ZC3H4: variants seen among roughly 807,000 people sequenced by gnomAD.
The protein encoded by ZC3H4 is zinc finger CCCH-type containing 4.
In ZC3H4, 13 loss-of-function variants were observed where a neutral mutation model predicts 108.3. The observed-to-expected ratio is 0.12, with a 90% CI of 0.08 to 0.19. The LOEUF is 0.19. Among genes scored for constraint, ZC3H4 ranks in the 10% least tolerant of loss-of-function variants. The pLI is 1.00. For missense variants in ZC3H4, 1,734 were observed against 1,838.8 expected, an observed-to-expected ratio of 0.94 and a Z score of 1.04; for synonymous variants, 917 against 749.6, an observed-to-expected ratio of 1.22 and a Z score of -3.65.
intron 2 of ZC3H4, among the ~76,000 whole-genome samples, chr19:47,100,459 C>T (rs116866231): frequency 2.8e-3 from 424 of 152,006 alleles, no homozygotes; most frequent in Middle Eastern, 6.8e-3. Context: ...CGGCAACCAC[C>T]CAAGTGAGAC....
chr19:47,104,187 C>T (rs1027105431), intron 2 of ZC3H4, among the ~76,000 whole-genome samples: 10 of 151,828 alleles, frequency 6.6e-5, no homozygotes, highest in East Asian at 5.8e-4. Context: ...GGTGTGGTGG[C>T]GCACACCTGT....
intron 2 of ZC3H4, among the ~76,000 whole-genome samples, chr19:47,097,887 C>T (rs996805894): frequency 6.6e-6 from 1 of 152,204 alleles, no homozygotes; most frequent in South Asian, 2.1e-4. Context: ...GGATTGGCAA[C>T]GCCTGACATG....
rs1174016766 is a variant in ZC3H4 at position 47,066,355 on chromosome 19, A to G, written c.*1T>C. 6 of 1,533,774 alleles carry G rather than the reference A, an allele frequency of 3.9e-6. No homozygotes were observed. The African/African-American group carries it at 6.8e-5, about 17-fold the overall frequency. On this transcript the variant is annotated 3_prime_UTR_variant, in exon 15 of 15. Transcript: ENST00000253048. ...GCTGGAGCCGCAGCTCTGGCTGGAC[A>G]CTACTGGCAAAAGGGGGAGGCCGTG... is the stretch of plus-strand genomic sequence containing the variant.
intron 2 of ZC3H4, chr19:47,112,221 G>A: frequency 2.5e-6 from 3 of 1,183,488 alleles, no homozygotes; most frequent in Non-Finnish European, 3.2e-6. Flanking sequence ...CGAGGGGGGG[G>A]AAACGCATGA....
At chr19:47,075,818 C>T (rs1232600385) in intron 11 of ZC3H4, among the ~76,000 whole-genome samples, 2 of 152,154 alleles carry the variant, frequency 1.3e-5, no homozygotes, top group African/African-American at 4.8e-5. Context: ...GGAGCTCAGG[C>T]CCTGAATGGT....
At chr19:47,076,067 A>T (rs1600007836) in intron 11 of ZC3H4, among the ~76,000 whole-genome samples, 1 of 152,234 alleles carries the variant, frequency 6.6e-6, no homozygotes, top group Admixed American at 6.5e-5. Context: ...AGAGGTGCAG[A>T]GGCATGTGGG....
At chr19:47,090,497 G>A (rs1488353642) in intron 4 of ZC3H4, among the ~76,000 whole-genome samples, 1 of 152,172 alleles carries the variant, frequency 6.6e-6, no homozygotes, top group Non-Finnish European at 1.5e-5. Context: ...TGCAGAGCAA[G>A]CGCACGTGGA....
intron 3 of ZC3H4, 22 bp from the exon 4 acceptor site, chr19:47,094,102 A>G (rs755441127): frequency 6.2e-7 from 1 of 1,609,962 alleles, no homozygotes; most frequent in Non-Finnish European, 8.5e-7. Context: ...GGGGAAGGAG[A>G]CTCAGCAACC....
In ZC3H4 at chr19:47,067,288, C is replaced by T. The variant is rs555579595; in HGVS notation, c.2980G>A (p.Ala994Thr). ...AGGGCCGCGGGCACGGGGGGCACTG[C>T]GTCCTGCTTGGGGATGGGTAGGGGG... Reference protein sequence around the residue: ...LIPLPIPKQDAVPPVPAALQS... With the variant: ...LIPLPIPKQDTVPPVPAALQS... Residue 994 changes from alanine (A) to threonine (T), a missense_variant, in exon 15 of 15, where the codon GCA becomes ACA. Transcript: ENST00000253048. This position sits in a 1 kb window ranked among gnomAD's most constrained non-coding sequence, Gnocchi z 6.4. 9.9e-5 allele frequency: 157 copies of T among 1,589,456 alleles called. No homozygotes were observed. In the South Asian group the frequency reaches 1.5e-3, roughly 15 times the overall value.
chr19:47,084,823 A>T (rs542435558), intron 8 of ZC3H4, among the ~76,000 whole-genome samples: 1 of 152,326 alleles, frequency 6.6e-6, no homozygotes, highest in African/African-American at 2.4e-5. Flanking sequence ...GAGATGTGTT[A>T]GGTATGGCTG....
In ZC3H4 at chr19:47,075,585, C is replaced by T. The variant is rs186345814; in HGVS notation, c.1441-2872G>A. Among the ~76,000 whole-genome samples the T allele has an allele frequency of 1.4e-4, 21 of 152,150 alleles. No homozygotes were observed. In the East Asian group the frequency reaches 4.1e-3, roughly 30 times the overall value. On this transcript the variant is annotated intron_variant, in intron 11 of 14. Coordinates refer to ENST00000253048, the MANE Select transcript of ZC3H4 (RefSeq NM_015168.2). The stretch of plus-strand genomic sequence containing the variant: ...CCTGGGCTCCCACACTTATTCTTCA[C>T]GGCCTGATCCCCACGTGTGTGTGCG...
rs545269619 is a variant in ZC3H4 at position 47,112,216 on chromosome 19, G to A, written c.161+208C>T. On this transcript the variant is annotated intron_variant, in intron 2 of 14. Coordinates refer to ENST00000253048, the MANE Select transcript of ZC3H4 (RefSeq NM_015168.2). Reference sequence around the variant, plus strand: ...GGGAGAGCGGGCGAGCGCCGCGAGGGGGGGGAAACGCATGAGGCCGGGAGA... The same window carrying A: ...GGGAGAGCGGGCGAGCGCCGCGAGGAGGGGGAAACGCATGAGGCCGGGAGA... 18 of 1,194,770 alleles carry A rather than the reference G, an allele frequency of 1.5e-5. No homozygotes were observed. The South Asian group carries it at 2.5e-4, about 17-fold the overall frequency. 74.0% of individuals were successfully genotyped at this position (1,194,770 alleles called of 1,614,324 possible).
intron 5 of ZC3H4, among the ~76,000 whole-genome samples, chr19:47,089,405 G>A (rs1245201510): frequency 6.6e-6 from 1 of 151,988 alleles, no homozygotes; most frequent in Non-Finnish European, 1.5e-5. Context: ...TCGAACTCCT[G>A]ACCTTAGGTG....
At chr19:47,094,133 G>A in intron 3 of ZC3H4, 53 bp from the exon 4 acceptor site, 1 of 1,553,092 alleles carries the variant, frequency 6.4e-7, no homozygotes, top group Non-Finnish European at 8.9e-7. Flanking sequence ...AGGCCACTCG[G>A]GCACAGTCAG....
Position 47,105,458 on chromosome 19 carries a change from G to A in ZC3H4, c.161+6966C>T, listed in dbSNP as rs868090656. Among the ~76,000 whole-genome samples, 5 of 152,168 alleles carry A rather than the reference G, an allele frequency of 3.3e-5. 1 individual carries two copies. The South Asian group carries it at 8.3e-4, about 25-fold the overall frequency. On this transcript the variant is annotated intron_variant, in intron 2 of 14. Transcript: ENST00000253048. ...TCTACTAAAAACACAGAAATTAGCT[G>A]AGCATGTGGTGTGCGCCTGTAATCC...
chr19:47,088,236 G>A lies in ZC3H4; in HGVS notation c.716-1698C>T, dbSNP rs779449191. Among the ~76,000 whole-genome samples, 10 of 151,204 alleles carry A rather than the reference G, an allele frequency of 6.6e-5. No homozygotes were observed. The East Asian group carries it at 7.9e-4, about 12-fold the overall frequency. ...CATGCCTGTAATCCCAGTTACTTGCGGGAGTAAGGCACAAGAATTGCTTGA... is the reference window on the plus strand; with the variant it reads ...CATGCCTGTAATCCCAGTTACTTGCAGGAGTAAGGCACAAGAATTGCTTGA... On this transcript the variant is annotated intron_variant, in intron 5 of 14. Coordinates refer to ENST00000253048, the MANE Select transcript of ZC3H4 (RefSeq NM_015168.2).
At chr19:47,078,885 G>A (rs1034854040) in intron 11 of ZC3H4, among the ~76,000 whole-genome samples, 1 of 151,764 alleles carries the variant, frequency 6.6e-6, no homozygotes, top group African/African-American at 2.4e-5. Context: ...AAATTAGCCG[G>A]GTGTGGTGGT....
At position 47,064,720 on chromosome 19, in the gene ZC3H4, G is replaced by GT. The variant is rs1211503429; in HGVS notation, c.*1635dup. ...GAAGACAAATCTCATTAATGATTGTGTAAAAAAAAAAAAAAAAAAAAAGAC... is the reference window on the plus strand; with the variant it reads ...GAAGACAAATCTCATTAATGATTGTGTTAAAAAAAAAAAAAAAAAAAAAGAC... On this transcript the variant is annotated 3_prime_UTR_variant, in exon 15 of 15. Transcript: ENST00000253048. 2.0e-4 allele frequency: 12 copies of GT among 61,308 alleles called. No homozygotes were observed. Among genetic ancestry groups the GT allele is most frequent in the African/African-American group, 4.3e-4 (8 of 18,682 alleles). 3.8% of individuals were successfully genotyped at this position (61,308 alleles called of 1,614,324 possible).
intron 2 of ZC3H4, among the ~76,000 whole-genome samples, chr19:47,097,770 C>T (rs1462450252): frequency 6.6e-6 from 1 of 152,094 alleles, no homozygotes; most frequent in Non-Finnish European, 1.5e-5. Flanking sequence ...GAAGCCCCAC[C>T]GCGCTAATCA....
Sources: gnomAD v4.1 joint callset for allele counts (sites outside exome capture counted in the v4.1 genomes callset) on GRCh38, gnomAD v4.1.1 for gene constraint, Gnocchi (gnomAD v3.1) non-coding constraint, MANE v1.5 for transcripts, NCBI Gene and HGNC (gene_info 2026-07-23, HGNC 2026-07-21) for gene names.